RBMS3: variants seen among roughly 807,000 people sequenced by gnomAD.
RBMS3 encodes the protein RNA binding motif single stranded interacting protein 3.
RBMS3 carries 27 observed loss-of-function variants against 66.8 expected under a neutral mutation model. The observed-to-expected ratio is 0.40, with a 90% CI of 0.30 to 0.56. RBMS3 has a LOEUF of 0.56. RBMS3 is among the 20% of genes least tolerant of loss of function. The pLI is 0.40. For synonymous variants in RBMS3, 188 were observed against 183.0 expected (o/e 1.03, Z -0.22); for missense variants, 513 against 549.5 (o/e 0.93, Z 0.66).
At chr3:29,791,325 T>A (rs189751234) in intron 6 of RBMS3, among the ~76,000 whole-genome samples, 132 of 152,312 alleles carry the variant, frequency 8.7e-4, no homozygotes, top group African/African-American at 3.1e-3. Context: ...AAATTCCATG[T>A]TCCACAATGA....
chr3:29,854,014 T>TTTTG (rs772753875), intron 6 of RBMS3, among the ~76,000 whole-genome samples: 6 of 152,162 alleles, frequency 3.9e-5, no homozygotes, highest in Non-Finnish European at 8.8e-5. Context: ...GACCATACTG[T>TTTTG]TTTGTTTGTT....
intron 12 of RBMS3, among the ~76,000 whole-genome samples, chr3:29,973,126 C>A (rs1370744742): frequency 6.6e-6 from 1 of 151,944 alleles, no homozygotes; most frequent in Non-Finnish European, 1.5e-5. Context: ...GTTGGTTTGA[C>A]CTTAACAGAC....
chr3:29,737,180 T>C (rs2149345195), intron 4 of RBMS3, among the ~76,000 whole-genome samples: 1 of 152,280 alleles, frequency 6.6e-6, no homozygotes, highest in African/African-American at 2.4e-5. Context: ...TTTCACCATG[T>C]TAGCCAGGGT....
chr3:29,886,077 A>G lies in RBMS3; in HGVS notation c.791+1869A>G, dbSNP rs141120761. Among the ~76,000 whole-genome samples the G allele has an allele frequency of 7.9e-5, 12 of 152,004 alleles. No individual in the cohort carries two copies. The East Asian group carries it at 2.3e-3, about 30-fold the overall frequency. ...ATCAAAGTAAAATTTAAACATCATA[A>G]TATTTCTAACTTCTTACATCTTCGA... On this transcript the variant is annotated intron_variant, in intron 8 of 14. Transcript: ENST00000383767.
At chr3:29,309,034 G>C (rs976146311) in intron 1 of RBMS3, among the ~76,000 whole-genome samples, 1 of 151,682 alleles carries the variant, frequency 6.6e-6, no homozygotes, top group Admixed American at 6.6e-5. Flanking sequence ...AAATAACACA[G>C]GTAACAGAAC....
chr3:29,650,682 G>A (rs1459262207), intron 4 of RBMS3, among the ~76,000 whole-genome samples: 7 of 152,110 alleles, frequency 4.6e-5, no homozygotes, highest in African/African-American at 1.7e-4. Flanking sequence ...GTACTTGCCC[G>A]GTTGACAAAT....
intron 3 of RBMS3, among the ~76,000 whole-genome samples, chr3:29,565,270 AGAGGGAAT>A (rs1337937013): frequency 1.3e-5 from 2 of 152,234 alleles, no homozygotes; most frequent in African/African-American, 4.8e-5. Flanking sequence ...TCAAAAACTT[AGAGGGAAT>A]GAGTTATTAA....
intron 12 of RBMS3, among the ~76,000 whole-genome samples, chr3:29,985,477 G>A (rs989682981): frequency 2.6e-4 from 40 of 152,110 alleles, no homozygotes; most frequent in East Asian, 9.7e-4. Context: ...CCCTAGTGGT[G>A]TAGGCACCCA....
intron 5 of RBMS3, among the ~76,000 whole-genome samples, chr3:29,747,861 C>A (rs944057237): frequency 3.3e-5 from 5 of 152,158 alleles, no homozygotes; most frequent in African/African-American, 1.2e-4. Context: ...TCAGTTGGAA[C>A]CAGCAGTCAT....
rs939236176 is a variant in RBMS3, at chr3:29,902,717, T to C, written c.939+2962T>C. Among the ~76,000 whole-genome samples, 3 of 152,028 alleles carry C rather than the reference T, an allele frequency of 2.0e-5. 1 individual carries two copies. Among genetic ancestry groups the C allele is most frequent in the African/African-American group, 4.8e-5 (2 of 41,518 alleles). On this transcript the variant is annotated intron_variant, in intron 10 of 14. Coordinates refer to ENST00000383767, the MANE Select transcript of RBMS3 (RefSeq NM_001003793.3). ...TTTCTCTTTCCTCACTTTATGATAA[T>C]TTCATGCATGAGGTTTCATTGTACA...
intron 1 of RBMS3, among the ~76,000 whole-genome samples, chr3:29,420,159 C>T (rs1270977977): frequency 6.6e-6 from 1 of 152,120 alleles, no homozygotes; most frequent in East Asian, 1.9e-4. Context: ...TCTTTGAGTT[C>T]CACCTTTCTT....
intron 4 of RBMS3, among the ~76,000 whole-genome samples, chr3:29,685,068 TTTTG>T (rs2051658740): frequency 6.6e-6 from 1 of 152,122 alleles, no homozygotes; most frequent in Non-Finnish European, 1.5e-5. Flanking sequence ...TTTTGTTTTG[TTTTG>T]TTTTGAGACG....
chr3:29,927,018 G>A (rs1307749647), intron 10 of RBMS3: 1 of 152,126 alleles, frequency 6.6e-6, no homozygotes, highest in Non-Finnish European at 1.5e-5. Flanking sequence ...ACATCTTGCA[G>A]CATTTAACTG....
chr3:29,617,986 T>A (rs963376860), intron 4 of RBMS3, among the ~76,000 whole-genome samples: 4 of 152,156 alleles, frequency 2.6e-5, no homozygotes, highest in African/African-American at 9.7e-5. Flanking sequence ...ACATGCTACC[T>A]TTTTAGATAA....
chr3:29,800,039 T>C (rs1056995625), intron 6 of RBMS3, among the ~76,000 whole-genome samples: 10 of 152,344 alleles, frequency 6.6e-5, no homozygotes, highest in Admixed American at 3.9e-4. Context: ...ATGTACCATG[T>C]ATACTGAATG....
chr3:29,910,943 A>C (rs2060499203), intron 10 of RBMS3, among the ~76,000 whole-genome samples: 1 of 151,986 alleles, frequency 6.6e-6, no homozygotes, highest in East Asian at 1.9e-4. Context: ...CAAAGATAGG[A>C]ATTAAACGTA....
intron 1 of RBMS3, among the ~76,000 whole-genome samples, chr3:29,341,068 C>T (rs2036254546): frequency 6.6e-6 from 1 of 151,956 alleles, no homozygotes; most frequent in Non-Finnish European, 1.5e-5. Context: ...AGCAATAATC[C>T]TTTTTCTTGT....
intron 4 of RBMS3, among the ~76,000 whole-genome samples, chr3:29,610,369 T>C (rs1273124860): frequency 1.3e-5 from 2 of 152,060 alleles, no homozygotes; most frequent in Non-Finnish European, 2.9e-5. Context: ...TGGATAAGAC[T>C]GACTCTCACC....
chr3:29,311,276 A>G (rs890113205), intron 1 of RBMS3, among the ~76,000 whole-genome samples: 144 of 151,782 alleles, frequency 9.5e-4, no homozygotes, highest in African/African-American at 3.4e-3. Context: ...GTTCTCTAAT[A>G]TACCTCTTCT....
Sources: allele counts gnomAD v4.1 joint callset (sites outside exome capture counted in the v4.1 genomes callset), GRCh38; gene constraint gnomAD v4.1.1; transcripts MANE v1.5; gene names NCBI Gene and HGNC (gene_info 2026-07-23, HGNC 2026-07-21).